FKBP5: variants seen among roughly 807,000 people sequenced by gnomAD.
FKBP5 encodes FKBP prolyl isomerase 5.
FKBP5 carries 23 observed loss-of-function variants against 50.5 expected under a neutral mutation model. The observed-to-expected ratio is 0.46, with a 90% CI of 0.33 to 0.65. FKBP5 has a LOEUF of 0.65. FKBP5 is among the 30% of genes least tolerant of loss of function. FKBP5 has a pLI of 0.02. For missense variants in FKBP5, 411 were observed against 553.1 expected (o/e 0.74, Z 2.58); for synonymous variants, 176 against 190.6 (o/e 0.92, Z 0.63).
At chr6:35,701,635 G>C (rs1766192080) in intron 2 of FKBP5, among the ~76,000 whole-genome samples, 1 of 152,080 alleles carries the variant, frequency 6.6e-6, no homozygotes, top group South Asian at 2.1e-4. Context: ...AACCTCCCTT[G>C]CTCAAGCAAT....
At chr6:35,646,637 TAA>T (rs1201666982) in intron 1 of FKBP5, among the ~76,000 whole-genome samples, 5 of 152,236 alleles carry the variant, frequency 3.3e-5, no homozygotes, top group Admixed American at 1.3e-4. Flanking sequence ...ACCATTTTTA[TAA>T]GAGAGACTTT....
intron 8 of FKBP5, chr6:35,581,960 G>C (rs890900818): frequency 2.0e-6 from 2 of 985,326 alleles, no homozygotes; most frequent in South Asian, 4.7e-5. Context: ...AAAAACCATA[G>C]AGCAGGTCTA....
At chr6:35,700,243 C>T (rs1452089504) in intron 2 of FKBP5, among the ~76,000 whole-genome samples, 1 of 152,042 alleles carries the variant, frequency 6.6e-6, no homozygotes, top group Non-Finnish European at 1.5e-5. Flanking sequence ...TCACTGCAAT[C>T]TTTGCCTCCT....
chr6:35,583,213 C>A, intron 8 of FKBP5: 2 of 985,444 alleles, frequency 2.0e-6, no homozygotes, highest in Non-Finnish European at 2.4e-6. Flanking sequence ...TGTCATGCCT[C>A]ATTTCTTCAT....
intron 7 of FKBP5, 130 bp downstream of exon 7, chr6:35,591,000 G>C (rs1762804099): frequency 3.6e-6 from 2 of 558,540 alleles, no homozygotes; most frequent in Non-Finnish European, 6.4e-6. Context: ...CAGTGTTGGA[G>C]GCAAGAGACA....
At chr6:35,690,260 GGAGTTC>G (rs1418400836), upstream of FKBP5, among the ~76,000 whole-genome samples, 2 of 152,102 alleles carry the variant, frequency 1.3e-5, no homozygotes, top group African/African-American at 4.8e-5. Context: ...CCTGAGGTCG[GGAGTTC>G]GAGACGAGCC....
At chr6:35,589,058 ATG>A (rs1272435200) in intron 7 of FKBP5, among the ~76,000 whole-genome samples, 59 of 143,378 alleles carry the variant, frequency 4.1e-4, no homozygotes, top group African/African-American at 1.4e-3. Flanking sequence ...ATGTGTGTGT[ATG>A]TGTGTGTGTG....
chr6:35,627,489 TAGG>T (rs1561865144), intron 3 of FKBP5, among the ~76,000 whole-genome samples: 2 of 152,196 alleles, frequency 1.3e-5, no homozygotes, highest in South Asian at 2.1e-4. Flanking sequence ...TGTTGAGTTA[TAGG>T]AGTTGTTTGT....
At chr6:35,666,313 C>T (rs1765213410) in intron 1 of FKBP5, among the ~76,000 whole-genome samples, 1 of 144,514 alleles carries the variant, frequency 6.9e-6, no homozygotes, top group African/African-American at 2.6e-5. Context: ...TTTAGCCCAG[C>T]AATATCACTT....
chr6:35,581,067 G>A, intron 8 of FKBP5: 12 of 963,240 alleles, frequency 1.2e-5, no homozygotes, highest in African/African-American at 1.8e-5. Context: ...ATCAATGGGT[G>A]CAGCTGTGTT....
intron 1 of FKBP5, among the ~76,000 whole-genome samples, chr6:35,643,936 G>A (rs1764562419): frequency 6.6e-6 from 1 of 152,172 alleles, no homozygotes; most frequent in Non-Finnish European, 1.5e-5. Flanking sequence ...GACAAAAAGT[G>A]CAAGGAATTT....
At chr6:35,640,257 G>A (rs1260989701) in intron 2 of FKBP5, among the ~76,000 whole-genome samples, 3 of 152,174 alleles carry the variant, frequency 2.0e-5, no homozygotes, top group African/African-American at 4.8e-5. Flanking sequence ...TAGGTGGTTT[G>A]GCCTACTGCT....
chr6:35,644,825 T>G (rs1003040355), intron 1 of FKBP5, among the ~76,000 whole-genome samples: 1 of 152,122 alleles, frequency 6.6e-6, no homozygotes, highest in Non-Finnish European at 1.5e-5. Flanking sequence ...TCTTAAATAT[T>G]TGGAGGGTCC....
chr6:35,668,460 T>C (rs1765289360), intron 1 of FKBP5, among the ~76,000 whole-genome samples: 1 of 152,192 alleles, frequency 6.6e-6, no homozygotes, highest in Non-Finnish European at 1.5e-5. Context: ...AACTATTAAA[T>C]TGATTATAAT....
chr6:35,726,787 T>C lies in FKBP5; in HGVS notation c.-241+1721A>G, dbSNP rs561016225. Among the ~76,000 whole-genome samples, 39 of 152,310 alleles carry C rather than the reference T, an allele frequency of 2.6e-4. No homozygotes were observed. In the South Asian group the frequency reaches 7.5e-3, roughly 29 times the overall value. ...TCATTTCAATACACCCAATATTTAT[T>C]GAACATGAACTCCGGTGCCAAGCCT... On this transcript the variant is annotated intron_variant, in intron 1 of 11. Coordinates refer to the FKBP5 transcript ENST00000536438.
chr6:35,673,829 G>A (rs1282276572), intron 1 of FKBP5, among the ~76,000 whole-genome samples: 5 of 152,132 alleles, frequency 3.3e-5, no homozygotes, highest in African/African-American at 7.2e-5. Context: ...TTTATTTATT[G>A]TACTACTATA....
intron 5 of FKBP5, among the ~76,000 whole-genome samples, chr6:35,601,472 C>T (rs1318646251): frequency 6.6e-6 from 1 of 152,202 alleles, no homozygotes; most frequent in Non-Finnish European, 1.5e-5. Flanking sequence ...CACGGAAAGA[C>T]TGCTGATTGC....
chr6:35,674,381 C>T (rs1047516472), intron 1 of FKBP5, among the ~76,000 whole-genome samples: 2 of 152,002 alleles, frequency 1.3e-5, no homozygotes. Context: ...GACAAGTAAC[C>T]CAAGAGTCTT....
At chr6:35,712,411 G>T (rs536710185) in intron 2 of FKBP5, among the ~76,000 whole-genome samples, 1 of 152,062 alleles carries the variant, frequency 6.6e-6, no homozygotes, top group African/African-American at 2.4e-5. Context: ...GCCCCAGAAG[G>T]GGGTAAGGAG....
Sources: gnomAD v4.1 joint callset for allele counts (sites outside exome capture counted in the v4.1 genomes callset) on GRCh38, gnomAD v4.1.1 for gene constraint, MANE v1.5 for transcripts, NCBI Gene and HGNC (gene_info 2026-07-23, HGNC 2026-07-21) for gene names.